Variants in POMP observed in about 807,000 individuals in gnomAD.
POMP encodes the protein 2510048O06Rik.
A neutral mutation model predicts 20.6 loss-of-function variants in POMP; 12 were observed. The observed-to-expected ratio is 0.58, with a 90% CI of 0.37 to 0.94. The LOEUF (loss-of-function observed/expected upper bound fraction) is 0.94, where lower values mean the gene tolerates loss of function less well. Among genes scored for constraint, POMP ranks in the 40% least tolerant of loss-of-function variants. The pLI, the probability that POMP is intolerant of heterozygous loss-of-function variation, is 0.01. For missense variants in POMP, 136 were observed against 161.1 expected (o/e 0.84, Z 0.84); for synonymous variants, 53 against 55.0 (o/e 0.96, Z 0.16).
intron 3 of POMP, among the ~76,000 whole-genome samples, chr13:28,666,544 C>T (rs914376773): frequency 6.6e-6 from 1 of 152,190 alleles, no homozygotes; most frequent in Admixed American, 6.5e-5. Flanking sequence ...ATCATTTAGC[C>T]AGCTAATGGC....
chr13:28,662,614 C>A, intron 2 of POMP, 107 bp downstream of exon 2: 1 of 902,516 alleles, frequency 1.1e-6, no homozygotes. Context: ...TGGCAGATGG[C>A]AAGTAATATA....
chr13:28,669,997 C>A (rs189545356), intron 4 of POMP, among the ~76,000 whole-genome samples: 1 of 152,246 alleles, frequency 6.6e-6, no homozygotes, highest in African/African-American at 2.4e-5. Context: ...ATAGTCCCAG[C>A]TACTCAGGAG....
chr13:28,663,244 A>G (rs1264607491), intron 2 of POMP, among the ~76,000 whole-genome samples: 1 of 152,086 alleles, frequency 6.6e-6, no homozygotes, highest in Non-Finnish European at 1.5e-5. Flanking sequence ...TTTCCCCCAT[A>G]AACATTTTGT....
chr13:28,677,759 A>G (rs966170133), intron 5 of POMP, among the ~76,000 whole-genome samples: 5 of 152,236 alleles, frequency 3.3e-5, no homozygotes, highest in Admixed American at 2.0e-4. Context: ...TTGACATACA[A>G]TAAAGTACAC....
intron 3 of POMP, 94 bp from the exon 4 acceptor site, chr13:28,668,379 T>A: frequency 1.1e-6 from 1 of 873,756 alleles, no homozygotes; most frequent in Non-Finnish European, 1.9e-6. Flanking sequence ...ATTAAAATTC[T>A]TCATCTAACT....
chr13:28,666,307 G>A (rs547865043), intron 3 of POMP, among the ~76,000 whole-genome samples: 1 of 152,298 alleles, frequency 6.6e-6, no homozygotes, highest in Admixed American at 6.5e-5. Context: ...AAAGGTTAAT[G>A]CAGTCTTGGG....
chr13:28,672,445 C>T lies in POMP; in HGVS notation c.358+13C>T. 6.4e-7 allele frequency: 1 copy of T among 1,554,136 alleles called. No individual in the cohort carries two copies. The highest frequency in any genetic ancestry group is 8.9e-7 in the Non-Finnish European group (1 of 1,125,710). ...GATATTCTTAATGGTAAGTGTCATT[C>T]AGCACCTTTTTATGGAGCCCTTGTA... On this transcript the variant is annotated intron_variant, in intron 5 of 5. Transcript: ENST00000380842.
At chr13:28,676,610 G>T (rs992924691) in intron 5 of POMP, among the ~76,000 whole-genome samples, 2 of 152,144 alleles carry the variant, frequency 1.3e-5, no homozygotes, top group Non-Finnish European at 2.9e-5. Flanking sequence ...TCTATAATCA[G>T]AGAGTAGCTT....
intron 1 of POMP, 48 bp from the exon 2 acceptor site, chr13:28,662,362 T>C: frequency 7.2e-7 from 1 of 1,392,454 alleles, no homozygotes; most frequent in Non-Finnish European, 1.0e-6. Flanking sequence ...CCTGGGTGTG[T>C]GTTTAAATTT....
At chr13:28,672,571 TTTAATGG>T in intron 5 of POMP, 139 bp downstream of exon 5, 1 of 736,682 alleles carries the variant, frequency 1.4e-6, no homozygotes, top group South Asian at 1.4e-5. Flanking sequence ...TAAGATAAAG[TTTAATGG>T]TAGTAACTGT....
At chr13:28,674,859 G>C (rs1884602798) in intron 5 of POMP, among the ~76,000 whole-genome samples, 1 of 152,112 alleles carries the variant, frequency 6.6e-6, no homozygotes, top group South Asian at 2.1e-4. Flanking sequence ...GGTAAGATGA[G>C]ACCCTGTCTC....
chr13:28,673,574 C>T lies in POMP; in HGVS notation c.358+1142C>T, dbSNP rs1036651085. 2.6e-5 allele frequency among the ~76,000 whole-genome samples: 4 copies of T among 152,210 alleles called. No individual in the cohort carries two copies. In the East Asian group the frequency reaches 7.7e-4, roughly 29 times the overall value. The stretch of plus-strand genomic sequence containing the variant: ...ATTAAGTTTTATTAGTTTTGCTTGG[C>T]TGCTGATGTCCGGTAAGGAAATGCT... On this transcript the variant is annotated intron_variant, in intron 5 of 5. Transcript: ENST00000380842.
chr13:28,671,396 A>G (rs572815857), intron 4 of POMP, among the ~76,000 whole-genome samples: 2 of 151,066 alleles, frequency 1.3e-5, no homozygotes, highest in African/African-American at 4.8e-5. Flanking sequence ...CAAATTCTGG[A>G]TTTAAGTTTT....
At chr13:28,671,819 C>G (rs905981117) in intron 4 of POMP, among the ~76,000 whole-genome samples, 9 of 152,082 alleles carry the variant, frequency 5.9e-5, no homozygotes, top group Admixed American at 2.6e-4. Flanking sequence ...TAAAATACTA[C>G]TATCATTTAG....
At chr13:28,663,637 G>A (rs531710853) in intron 2 of POMP, among the ~76,000 whole-genome samples, 1 of 152,306 alleles carries the variant, frequency 6.6e-6, no homozygotes, top group African/African-American at 2.4e-5. Context: ...TAATAGAATG[G>A]CATTCTAATG....
chr13:28,674,125 G>C (rs1455505843), intron 5 of POMP, among the ~76,000 whole-genome samples: 1 of 152,188 alleles, frequency 6.6e-6, no homozygotes, highest in Admixed American at 6.5e-5. Context: ...GAAGAACTCT[G>C]AACGGTTTGA....
At position 28,662,868 on chromosome 13, in the gene POMP, T is replaced by A. The variant is rs114737382; in HGVS notation, c.101+361T>A. ...GCACTAGAACATAGCAGTTGAGAGA[T>A]TAAACTCTGGATTCAGTCGGCCTGG... On this transcript the variant is annotated intron_variant, in intron 2 of 5. Coordinates refer to ENST00000380842, the MANE Select transcript of POMP (RefSeq NM_015932.6). Among the ~76,000 whole-genome samples, 444 of 152,302 alleles carry A rather than the reference T, an allele frequency of 2.9e-3. 2 individuals carry two copies. The highest frequency in any genetic ancestry group is 0.01 in the African/African-American group (423 of 41,550).
chr13:28,675,255 C>T (rs551964306), intron 5 of POMP, among the ~76,000 whole-genome samples: 1 of 152,078 alleles, frequency 6.6e-6, no homozygotes, highest in South Asian at 2.1e-4. Flanking sequence ...ATTCTCCTGC[C>T]TCAGCCTCCC....
rs374351518 is a variant in POMP, at chr13:28,659,574, C to T, written c.3+387C>T. On this transcript the variant is annotated intron_variant, in intron 1 of 5. Coordinates refer to ENST00000380842, the MANE Select transcript of POMP (RefSeq NM_015932.6). Reference sequence around the variant, plus strand: ...TCCTTGACGGGTAACCTCTGGGAGCCCAGAGCTCTCAGACTCCTCATCTCC... The same window carrying T: ...TCCTTGACGGGTAACCTCTGGGAGCTCAGAGCTCTCAGACTCCTCATCTCC... Among the ~76,000 whole-genome samples the T allele has an allele frequency of 4.3e-4, 66 of 152,216 alleles. No individual in the cohort carries two copies. In the South Asian group the frequency reaches 0.014, roughly 31 times the overall value.
Sources: gnomAD v4.1 joint callset for allele counts (sites outside exome capture counted in the v4.1 genomes callset) on GRCh38, gnomAD v4.1.1 for gene constraint, MANE v1.5 for transcripts, NCBI Gene and HGNC (gene_info 2026-07-23, HGNC 2026-07-21) for gene names.